The following CNTN5 variants were observed in gnomAD, a reference collection of about 807,000 sequenced individuals.
The protein encoded by CNTN5 is contactin-5.
Under a neutral mutation model 129.1 loss-of-function variants are expected in CNTN5, and 77 were observed. The observed-to-expected ratio is 0.60, with a 90% CI of 0.50 to 0.72. The LOEUF is 0.72. Ranked by LOEUF, CNTN5 falls within the 30% of genes least tolerant of loss-of-function variation. The pLI is 0.00. For missense variants in CNTN5, 1,478 were observed against 1,328.8 expected (o/e 1.11, Z -1.75); for synonymous variants, 509 against 465.6 (o/e 1.09, Z -1.20).
intron 3 of CNTN5, among the ~76,000 whole-genome samples, chr11:99,758,890 A>G (rs533894263): frequency 6.6e-6 from 1 of 152,184 alleles, no homozygotes; most frequent in Admixed American, 6.6e-5. Context: ...ATCTGGAGTA[A>G]AAAGCAGAAG....
intron 7 of CNTN5, among the ~76,000 whole-genome samples, chr11:99,931,155 G>A (rs1950183771): frequency 6.6e-6 from 1 of 152,158 alleles, no homozygotes; most frequent in Admixed American, 6.5e-5. Context: ...AATCTGCAGA[G>A]ATCATTTTAA....
intron 1 of CNTN5, among the ~76,000 whole-genome samples, chr11:99,258,702 T>C (rs2135816151): frequency 6.6e-6 from 1 of 152,056 alleles, no homozygotes; most frequent in African/African-American, 2.4e-5. Flanking sequence ...ACGTTGTATC[T>C]AGGTTTTTTC....
intron 3 of CNTN5, among the ~76,000 whole-genome samples, chr11:99,680,286 C>T (rs906456598): frequency 4.6e-5 from 7 of 152,062 alleles, no homozygotes; most frequent in Non-Finnish European, 8.8e-5. Flanking sequence ...GAGGAGAAAT[C>T]GATGCCTGGC....
At chr11:100,151,762 A>G (rs904630158) in intron 13 of CNTN5, among the ~76,000 whole-genome samples, 4 of 152,162 alleles carry the variant, frequency 2.6e-5, no homozygotes, top group African/African-American at 9.7e-5. Flanking sequence ...TTTTTTTTCC[A>G]GAAAAGACTG....
rs1382349170 is a variant in CNTN5, at chr11:99,495,398, C to T, written c.-70-60747C>T. Among the ~76,000 whole-genome samples the T allele has an allele frequency of 2.6e-5, 4 of 152,132 alleles. No individual in the cohort carries two copies. The East Asian group carries it at 7.7e-4, about 29-fold the overall frequency. On this transcript the variant is annotated intron_variant, in intron 2 of 24. Transcript: ENST00000524871. Reference sequence around the variant, plus strand: ...ATTAAAAATAAATAAATCATCCCTTCATATATTGCTAAAACTAAGCCATTT... The same window carrying T: ...ATTAAAAATAAATAAATCATCCCTTTATATATTGCTAAAACTAAGCCATTT...
At chr11:99,389,463 C>G (rs552110068) in intron 2 of CNTN5, among the ~76,000 whole-genome samples, 2 of 152,136 alleles carry the variant, frequency 1.3e-5, no homozygotes, top group Non-Finnish European at 2.9e-5. Flanking sequence ...TCAAAAGGAG[C>G]CTGTTCTAGA....
chr11:99,541,956 C>CAA (rs56363127), intron 2 of CNTN5, among the ~76,000 whole-genome samples: 159 of 68,608 alleles, frequency 2.3e-3, no homozygotes, highest in African/African-American at 3.2e-3. Flanking sequence ...GATCTTGTCT[C>CAA]AAAAAAAAAA....
chr11:99,709,875 A>G (rs1954901547), intron 3 of CNTN5, among the ~76,000 whole-genome samples: 1 of 151,890 alleles, frequency 6.6e-6, no homozygotes, highest in Admixed American at 6.6e-5. Flanking sequence ...GTTTTAAATT[A>G]AAAAAAGATC....
intron 1 of CNTN5, among the ~76,000 whole-genome samples, chr11:99,139,335 A>T (rs923275686): frequency 6.6e-6 from 1 of 152,228 alleles, no homozygotes; most frequent in African/African-American, 2.4e-5. Context: ...GCTTTGGCAG[A>T]GAAACTTGCA....
intron 1 of CNTN5, among the ~76,000 whole-genome samples, chr11:99,298,051 T>C (rs923965366): frequency 6.6e-6 from 1 of 152,068 alleles, no homozygotes; most frequent in Non-Finnish European, 1.5e-5. Context: ...AGAGGGAGCT[T>C]ATCCATGATC....
chr11:100,065,676 C>T (rs953180644), intron 10 of CNTN5, among the ~76,000 whole-genome samples: 15 of 151,992 alleles, frequency 9.9e-5, no homozygotes, highest in African/African-American at 3.6e-4. Context: ...CCTACCTCCA[C>T]CCCCAAGGAT....
intron 2 of CNTN5, among the ~76,000 whole-genome samples, chr11:99,450,338 T>C (rs1041294534): frequency 2.0e-5 from 3 of 151,838 alleles, no homozygotes; most frequent in East Asian, 1.9e-4. Flanking sequence ...TACATATGTG[T>C]GTATATGTAT....
rs150404741 is a variant in CNTN5 at position 99,429,543 on chromosome 11, G to T, written c.-71+104059G>T. ...AGGGAGAGAGAGAGAGTCTGAGTGT[G>T]TTAGAGGAAGGTTAAAAATGGATAC... On this transcript the variant is annotated intron_variant, in intron 2 of 24. Transcript: ENST00000524871. Among the ~76,000 whole-genome samples, 45 of 152,242 alleles carry T rather than the reference G, an allele frequency of 3.0e-4. No individual in the cohort carries two copies. In the East Asian group the frequency reaches 8.7e-3, roughly 29 times the overall value.
intron 9 of CNTN5, among the ~76,000 whole-genome samples, chr11:100,015,402 T>C (rs1213955856): frequency 6.6e-6 from 1 of 152,164 alleles, no homozygotes; most frequent in Non-Finnish European, 1.5e-5. Flanking sequence ...TGTGATAACT[T>C]GCTAATAACC....
chr11:99,335,921 G>A (rs1866202123), intron 2 of CNTN5, among the ~76,000 whole-genome samples: 1 of 151,964 alleles, frequency 6.6e-6, no homozygotes, highest in African/African-American at 2.4e-5. Context: ...TGTGGACTGG[G>A]GCATTAACAG....
At chr11:100,206,865 C>T (rs1349262331) in intron 15 of CNTN5, among the ~76,000 whole-genome samples, 2 of 151,900 alleles carry the variant, frequency 1.3e-5, no homozygotes, top group African/African-American at 4.8e-5. Context: ...ATTTGCTAAA[C>T]AAAATATATA....
chr11:99,337,655 T>C (rs1311155606), intron 2 of CNTN5, among the ~76,000 whole-genome samples: 1 of 152,182 alleles, frequency 6.6e-6, no homozygotes, highest in African/African-American at 2.4e-5. Context: ...CATGTTACAT[T>C]GCTGCAGAGA....
At chr11:99,352,236 T>TTTTTACATTTCTAAA (rs1938347316) in intron 2 of CNTN5, among the ~76,000 whole-genome samples, 1 of 149,450 alleles carries the variant, frequency 6.7e-6, no homozygotes, top group Non-Finnish European at 1.5e-5. Context: ...ACCTGTGGAG[T>TTTTTACATTTCTAAA]GACCTCACAG....
chr11:99,039,092 C>T (rs1368844904), intron 1 of CNTN5, among the ~76,000 whole-genome samples: 3 of 151,796 alleles, frequency 2.0e-5, no homozygotes, highest in Admixed American at 6.6e-5. Context: ...TAATATTAAA[C>T]GATTGAAAAT....
Sources: gnomAD v4.1 joint callset for allele counts (sites outside exome capture counted in the v4.1 genomes callset) on GRCh38, gnomAD v4.1.1 for gene constraint, MANE v1.5 for transcripts, NCBI Gene and HGNC (gene_info 2026-07-23, HGNC 2026-07-21) for gene names.